Variants in DNAH14 observed in about 807,000 individuals in gnomAD.
DNAH14 encodes the protein dynein axonemal heavy chain 14, also known as axonemal beta dynein heavy chain 14.
DNAH14 carries 478 observed loss-of-function variants against 520.9 expected under a neutral mutation model. That is an observed-to-expected ratio of 0.92 (90% CI 0.85 to 0.99). DNAH14 has a LOEUF of 0.99. DNAH14 is among the 50% of genes least tolerant of loss of function. The pLI is 0.00. For missense variants in DNAH14, 4,831 were observed against 5,234.5 expected (o/e 0.92, Z 2.38); for synonymous variants, 1,581 against 1,757.2 (o/e 0.90, Z 2.51).
rs2094842938 is a variant in DNAH14 at position 225,333,340 on chromosome 1, T to C, written c.9914T>C (p.Ile3305Thr). Residue 3305 changes from isoleucine (I) to threonine (T), a missense_variant, in exon 66 of 86, where the codon ATT becomes ACT. By Grantham distance (89) the Ile-to-Thr change is moderately conservative. Transcript: ENST00000682510. Reference sequence around the variant, plus strand: ...CAAATAGATAACAAATTAGAAGGAATTTTGGGTGACATACTTCTTTCAGCA... The same window carrying C: ...CAAATAGATAACAAATTAGAAGGAACTTTGGGTGACATACTTCTTTCAGCA... ...INQIDNKLEG[I>T]LGDILLSAAC... 1.3e-6 allele frequency: 2 copies of C among 1,551,698 alleles called. No individual in the cohort carries two copies. Among genetic ancestry groups the C allele is most frequent in the African/African-American group, 1.4e-5 (1 of 73,130 alleles).
At chr1:225,202,010 G>A (rs1448717820) in intron 38 of DNAH14, among the ~76,000 whole-genome samples, 1 of 151,824 alleles carries the variant, frequency 6.6e-6, no homozygotes, top group East Asian at 1.9e-4. Context: ...CCAGTAGCTG[G>A]GATTACAGGT....
chr1:225,028,821 C>G (rs1415466788), intron 11 of DNAH14, among the ~76,000 whole-genome samples: 1 of 151,932 alleles, frequency 6.6e-6, no homozygotes, highest in Non-Finnish European at 1.5e-5. Flanking sequence ...GGATGAGGAG[C>G]AACTGGAACT....
intron 41 of DNAH14, among the ~76,000 whole-genome samples, chr1:225,218,394 G>A (rs1479278807): frequency 6.6e-6 from 1 of 151,934 alleles, no homozygotes. Context: ...CCATCAGTGT[G>A]CTGTATTCAG....
At chr1:224,963,361 A>G (rs1027336759) in intron 4 of DNAH14, among the ~76,000 whole-genome samples, 5 of 152,032 alleles carry the variant, frequency 3.3e-5, no homozygotes, top group African/African-American at 9.7e-5. Flanking sequence ...ACATTTATAA[A>G]CATATTCTCC....
At chr1:225,118,607 G>A (rs965473651) in intron 25 of DNAH14, among the ~76,000 whole-genome samples, 2 of 152,112 alleles carry the variant, frequency 1.3e-5, no homozygotes, top group African/African-American at 4.8e-5. Flanking sequence ...GGAAGGCCGG[G>A]TGCAGTGGCT....
rs61849835 is a variant in DNAH14, at chr1:225,147,794, C to A, written c.4940+545C>A. On this transcript the variant is annotated intron_variant, in intron 31 of 85. Coordinates refer to ENST00000682510, the MANE Select transcript of DNAH14 (RefSeq NM_001367479.1). The stretch of plus-strand genomic sequence containing the variant: ...TGATTGTCTCCCTCCTCCCACCTTC[C>A]ACCCTCCAGTAGGCCCTAGTATCAG... Among the ~76,000 whole-genome samples the A allele has an allele frequency of 6.6e-3, 998 of 152,278 alleles. 2 individuals are homozygous for A. The highest frequency in any genetic ancestry group is 0.011 in the Non-Finnish European group (766 of 68,024).
intron 36 of DNAH14, among the ~76,000 whole-genome samples, chr1:225,182,183 G>A (rs1189547423): frequency 6.6e-6 from 1 of 152,154 alleles, no homozygotes; most frequent in Non-Finnish European, 1.5e-5. Context: ...GGGCAAGAGG[G>A]TGAGACTTCA....
chr1:224,973,800 A>T (rs997562539), intron 7 of DNAH14, among the ~76,000 whole-genome samples: 1 of 152,142 alleles, frequency 6.6e-6, no homozygotes, highest in African/African-American at 2.4e-5. Flanking sequence ...TAAACATATA[A>T]AGGAAAACGG....
At position 225,205,951 on chromosome 1, in the gene DNAH14, A is replaced by G. The variant is rs1474610491; in HGVS notation, c.5978-20A>G. ...GACGGACATTAGTCTCAGTTACATT[A>G]AAAATATTTTTCTCTCCAGATTTTG... On this transcript the variant is annotated intron_variant, in intron 39 of 85. Coordinates refer to ENST00000682510, the MANE Select transcript of DNAH14 (RefSeq NM_001367479.1). 6.5e-7 allele frequency: 1 copy of G among 1,536,296 alleles called. No homozygotes were observed.
rs56061781 is a variant in DNAH14 at position 225,089,465 on chromosome 1, A to AG, written c.3573+3677dup. 3.6e-5 allele frequency among the ~76,000 whole-genome samples: 5 copies of AG among 138,390 alleles called. No individual in the cohort carries two copies. In the South Asian group the frequency reaches 9.3e-4, roughly 26 times the overall value. The allele number at this position is 138,390 out of a possible 152,430, so 90.8% of individuals were successfully genotyped here. On this transcript the variant is annotated intron_variant, in intron 21 of 85. Coordinates refer to ENST00000682510, the MANE Select transcript of DNAH14 (RefSeq NM_001367479.1). ...GTCAAAAAAAAAAAAAAAAAAAAAAAGAGAGCGAGAGAAAGAAAAGAAAAG... is the reference window on the plus strand; with the variant it reads ...GTCAAAAAAAAAAAAAAAAAAAAAAAGGAGAGCGAGAGAAAGAAAAGAAAAG...
intron 36 of DNAH14, among the ~76,000 whole-genome samples, chr1:225,182,729 A>G (rs969052252): frequency 7.9e-5 from 12 of 152,156 alleles, no homozygotes; most frequent in Admixed American, 2.6e-4. Context: ...AAAAGACAAC[A>G]CCAGGCATAA....
intron 17 of DNAH14, among the ~76,000 whole-genome samples, chr1:225,071,930 G>T (rs1475184184): frequency 6.6e-6 from 1 of 152,144 alleles, no homozygotes; most frequent in Admixed American, 6.5e-5. Context: ...TACAATTCAA[G>T]GTGAGATTTG....
At chr1:225,394,842 T>TAAA (rs35980785) in intron 84 of DNAH14, among the ~76,000 whole-genome samples, 34 of 126,654 alleles carry the variant, frequency 2.7e-4, no homozygotes, top group East Asian at 9.0e-4. Flanking sequence ...AGACTCTGTC[T>TAAA]AAAAAAAAAA....
At chr1:225,194,210 GA>G (rs1007983055) in intron 38 of DNAH14, among the ~76,000 whole-genome samples, 1 of 151,820 alleles carries the variant, frequency 6.6e-6, no homozygotes, top group African/African-American at 2.4e-5. Context: ...AAATTCTTAG[GA>G]AACAAAAAAG....
chr1:225,144,693 A>G, intron 29 of DNAH14, 65 bp downstream of exon 29: 1 of 1,316,074 alleles, frequency 7.6e-7, no homozygotes, highest in Non-Finnish European at 1.0e-6. Flanking sequence ...CTTTGATGTT[A>G]TCTTAAATTT....
intron 17 of DNAH14, among the ~76,000 whole-genome samples, chr1:225,069,688 G>T (rs2071319069): frequency 6.6e-6 from 1 of 152,062 alleles, no homozygotes; most frequent in African/African-American, 2.4e-5. Context: ...TTGTATCTCT[G>T]CCGGGTTTTG....
intron 41 of DNAH14, among the ~76,000 whole-genome samples, chr1:225,227,519 A>C (rs1029462738): frequency 1.3e-5 from 2 of 152,166 alleles, no homozygotes; most frequent in African/African-American, 4.8e-5. Flanking sequence ...TACAGATCAA[A>C]ATGAAGTTTC....
At chr1:225,357,747 C>A in intron 73 of DNAH14, 1 of 700,590 alleles carries the variant, frequency 1.4e-6, no homozygotes, top group South Asian at 1.5e-5. Flanking sequence ...TTCCCATGGT[C>A]CAACCTGGTA....
intron 44 of DNAH14, among the ~76,000 whole-genome samples, chr1:225,254,755 T>C (rs947427753): frequency 1.3e-5 from 2 of 152,142 alleles, no homozygotes; most frequent in African/African-American, 4.8e-5. Flanking sequence ...CCCCCAAATA[T>C]CAAAAGGAAG....
Sources: gnomAD v4.1 joint callset for allele counts (sites outside exome capture counted in the v4.1 genomes callset) on GRCh38, gnomAD v4.1.1 for gene constraint, MANE v1.5 for transcripts, NCBI Gene and HGNC (gene_info 2026-07-23, HGNC 2026-07-21) for gene names.